NEUROD4: variants seen among roughly 807,000 people sequenced by gnomAD.
NEUROD4 encodes neuronal differentiation 4.
In NEUROD4, 16 loss-of-function variants were observed where a neutral mutation model predicts 19.8. The observed-to-expected ratio is 0.81, with a 90% CI of 0.55 to 1.23. The LOEUF (loss-of-function observed/expected upper bound fraction) is 1.23. Among genes scored for constraint, NEUROD4 ranks in the 50% most tolerant of loss-of-function variants. The pLI, the probability that NEUROD4 is intolerant of heterozygous loss-of-function variation, is 0.00. For synonymous variants in NEUROD4, 153 were observed against 147.9 expected, an observed-to-expected ratio of 1.03 and a Z score of -0.25; for missense variants, 439 against 398.6, an observed-to-expected ratio of 1.10 and a Z score of -0.86.
chr12:55,021,466 C>T (rs1437288880), intron 1 of NEUROD4, among the ~76,000 whole-genome samples: 1 of 152,176 alleles, frequency 6.6e-6, no homozygotes, highest in Non-Finnish European at 1.5e-5. Context: ...CACCATCTAA[C>T]TACCACAAAT....
At chr12:55,022,523 C>T (rs1423294196) in intron 1 of NEUROD4, among the ~76,000 whole-genome samples, 1 of 152,134 alleles carries the variant, frequency 6.6e-6, no homozygotes, top group Non-Finnish European at 1.5e-5. Flanking sequence ...TCACTTCTCT[C>T]TGATAGACAC....
chr12:55,026,866 C>G lies in NEUROD4; in HGVS notation c.427C>G (p.Leu143Val). ...RNYIWALSEV[L>V]ETGQTPEGKG... is the part of the protein sequence containing the mutation. Reference sequence around the variant, plus strand: ...CTATATTTGGGCTTTATCTGAAGTCCTGGAGACTGGCCAGACACCTGAAGG... The same window carrying G: ...CTATATTTGGGCTTTATCTGAAGTCGTGGAGACTGGCCAGACACCTGAAGG... Residue 143 changes from leucine to valine, a missense_variant, in exon 2 of 2, where the codon CTG becomes GTG. By Grantham distance (32) the Leu-to-Val change is conservative (BLOSUM62 1). Coordinates refer to ENST00000242994, the MANE Select transcript of NEUROD4 (RefSeq NM_021191.3). 1 of 1,614,106 alleles carries G rather than the reference C, an allele frequency of 6.2e-7. No individual in the cohort carries two copies. Among genetic ancestry groups the G allele is most frequent in the Non-Finnish European group, 8.5e-7 (1 of 1,179,984 alleles).
At chr12:55,023,273 A>C (rs567849580) in intron 1 of NEUROD4, among the ~76,000 whole-genome samples, 187 of 152,286 alleles carry the variant, frequency 1.2e-3, no homozygotes, top group African/African-American at 4.4e-3. Flanking sequence ...AATCAGAGGT[A>C]ATATCCAGAT....
intron 1 of NEUROD4, among the ~76,000 whole-genome samples, chr12:55,023,663 T>C (rs1435705975): frequency 6.6e-6 from 1 of 152,210 alleles, no homozygotes; most frequent in Non-Finnish European, 1.5e-5. Flanking sequence ...TGGAAGTTAA[T>C]GGACCGGCAC....
Position 55,026,850 on chromosome 12 carries a change from G to A in NEUROD4, c.411G>A (p.Trp137Ter), listed in dbSNP as rs1310464333. 2.5e-6 allele frequency: 4 copies of A among 1,613,908 alleles called. No homozygotes were observed. Among genetic ancestry groups the A allele is most frequent in the Non-Finnish European group, 3.4e-6 (4 of 1,179,990 alleles). Residue 137 changes from tryptophan to a stop codon, truncating the protein, a stop_gained, in exon 2 of 2, where the codon TGG (tryptophan) becomes TGA (stop). Coordinates refer to ENST00000242994, the MANE Select transcript of NEUROD4 (RefSeq NM_021191.3). LOFTEE classifies it high-confidence loss of function. The stretch of plus-strand genomic sequence containing the variant: ...TTAGACTGGCCAGGAACTATATTTG[G>A]GCTTTATCTGAAGTCCTGGAGACTG... Reference protein sequence around the residue: ...ETLRLARNYIWALSEVLETGQ... With the variant: ...ETLRLARNYI
At chr12:55,021,775 G>C (rs920138850) in intron 1 of NEUROD4, among the ~76,000 whole-genome samples, 3 of 152,086 alleles carry the variant, frequency 2.0e-5, no homozygotes, top group Non-Finnish European at 2.9e-5. Context: ...ATATTGTGTA[G>C]GTATAAAAGA....
chr12:55,026,632 G>A lies in NEUROD4; in HGVS notation c.193G>A (p.Glu65Lys), dbSNP rs371817262. ...AGAAGAAGAAGAGGAAGAAGATGGG[G>A]AGAAACCTAAGAGAAGGGGTCCCAA... ...EEEEEEEEDG[E>K]KPKRRGPKKK... Residue 65 changes from glutamate (E) to lysine (K), a missense_variant, in exon 2 of 2, where the codon GAG becomes AAG. By Grantham distance (56) the Glu-to-Lys change is moderately conservative. Coordinates refer to ENST00000242994, the MANE Select transcript of NEUROD4 (RefSeq NM_021191.3). 1.2e-6 allele frequency: 2 copies of A among 1,613,766 alleles called. No homozygotes were observed. Among genetic ancestry groups the A allele is most frequent in the African/African-American group, 1.3e-5 (1 of 74,902 alleles).
Position 55,029,720 on chromosome 12 carries a change from C to A in NEUROD4, c.*2285C>A, listed in dbSNP as rs868328441. ...CTATGCAAGTTAATGTTTTTAGAGT[C>A]TTTTCTTCAGTCTAAAATGAGCCAG... is the stretch of plus-strand genomic sequence containing the variant. On this transcript the variant is annotated 3_prime_UTR_variant, in exon 2 of 2. Coordinates refer to ENST00000242994, the MANE Select transcript of NEUROD4 (RefSeq NM_021191.3). The A allele has an allele frequency of 1.2e-5, 2 of 166,998 alleles. No individual in the cohort carries two copies. 10.3% of individuals were successfully genotyped at this position (166,998 alleles called of 1,614,324 possible). A position where few individuals can be genotyped will look rare whatever the true frequency, so the allele number is the denominator to read the frequency against.
At chr12:55,023,439 C>G (rs1331567284) in intron 1 of NEUROD4, among the ~76,000 whole-genome samples, 1 of 152,078 alleles carries the variant, frequency 6.6e-6, no homozygotes, top group East Asian at 1.9e-4. Context: ...GCATTTACAG[C>G]TATAAAATTT....
intron 1 of NEUROD4, among the ~76,000 whole-genome samples, chr12:55,024,052 T>C (rs1333605524): frequency 3.3e-5 from 5 of 152,172 alleles, no homozygotes; most frequent in Non-Finnish European, 5.9e-5. Context: ...TGCACCTTCC[T>C]TCTTTCCTTC....
Position 55,027,730 on chromosome 12 carries a change from T to C in NEUROD4, c.*295T>C. ...GGTGCCAAAAACTCATTGCATAATC[T>C]GTGCCAATTAATTTTCCATTTCTGG... On this transcript the variant is annotated 3_prime_UTR_variant, in exon 2 of 2. Transcript: ENST00000242994. 3.2e-6 allele frequency: 1 copy of C among 315,658 alleles called. No homozygotes were observed. Among genetic ancestry groups the C allele is most frequent in the Non-Finnish European group, 6.1e-6 (1 of 163,976 alleles). 19.6% of individuals were successfully genotyped at this position (315,658 alleles called of 1,614,324 possible).
chr12:55,020,816 C>T (rs1258682918), intron 1 of NEUROD4, among the ~76,000 whole-genome samples: 1 of 152,150 alleles, frequency 6.6e-6, no homozygotes, highest in Non-Finnish European at 1.5e-5. Context: ...GGTAGATTCT[C>T]ACCATTAACT....
chr12:55,026,982 C>A lies in NEUROD4; in HGVS notation c.543C>A (p.Val181=), dbSNP rs185954437. Residue 181 remains valine, a synonymous_variant, in exon 2 of 2, where the codon GTC becomes GTA. Coordinates refer to ENST00000242994, the MANE Select transcript of NEUROD4 (RefSeq NM_021191.3). ...GTCTCCAACTGGGCCCTCAGTCTGT[C>A]CTCCTGGAGAAGCACGAGGATAAAT... ...AGCLQLGPQS[V]LLEKHEDKSP... The A allele has an allele frequency of 5.0e-6, 8 of 1,614,176 alleles. No homozygotes were observed. In the Admixed American group the frequency reaches 1.3e-4, roughly 27 times the overall value.
chr12:55,023,380 A>G (rs1368480771), intron 1 of NEUROD4, among the ~76,000 whole-genome samples: 1 of 152,220 alleles, frequency 6.6e-6, no homozygotes, highest in African/African-American at 2.4e-5. Flanking sequence ...AATAGATTAG[A>G]TAAGAAAACC....
rs759547386 is a variant in NEUROD4, at chr12:55,026,604, G to GGAA, written c.177_179dup (p.Glu62dup). ...TAACTGAAGAGCATGACAGTATTGA[G>GGAA]GAAGAAGAAGAAGAGGAAGAAGATG... On this transcript the variant is annotated inframe_insertion, in exon 2 of 2. Transcript: ENST00000242994. The GGAA allele has an allele frequency of 6.2e-7, 1 of 1,613,780 alleles. No homozygotes were observed. Among genetic ancestry groups the GGAA allele is most frequent in the East Asian group, 2.2e-5 (1 of 44,862 alleles).
Position 55,027,501 on chromosome 12 carries a change from T to G in NEUROD4, c.*66T>G, listed in dbSNP as rs899033483. ...TTTTCCATAATTCAAGTGGTTGAGC[T>G]AAAGATTCAATGACCTTAAAGGATC... is the stretch of plus-strand genomic sequence containing the variant. On this transcript the variant is annotated 3_prime_UTR_variant, in exon 2 of 2. Transcript: ENST00000242994. The G allele has an allele frequency of 6.8e-7, 1 of 1,461,192 alleles. No homozygotes were observed. Among genetic ancestry groups the G allele is most frequent in the East Asian group, 2.3e-5 (1 of 43,940 alleles). 90.5% of individuals were successfully genotyped at this position (1,461,192 alleles called of 1,614,324 possible). A position where few individuals can be genotyped will look rare whatever the true frequency, so the allele number is the denominator to read the frequency against.
At chr12:55,024,902 A>G (rs926445167) in intron 1 of NEUROD4, among the ~76,000 whole-genome samples, 6 of 152,362 alleles carry the variant, frequency 3.9e-5, no homozygotes, top group African/African-American at 1.4e-4. Context: ...TACAAGGAAA[A>G]CAAGCTCCAA....
chr12:55,027,006 A>G lies in NEUROD4; in HGVS notation c.567A>G (p.Lys189=). 6.2e-7 allele frequency: 1 copy of G among 1,614,050 alleles called. No individual in the cohort carries two copies. The highest frequency in any genetic ancestry group is 8.5e-7 in the Non-Finnish European group (1 of 1,180,002). Residue 189 remains lysine (K), a synonymous_variant, in exon 2 of 2, where the codon AAA becomes AAG. Transcript: ENST00000242994. ...TCCTCCTGGAGAAGCACGAGGATAA[A>G]TCTCCTATTTGTGACTCTGCCATCT... ...QSVLLEKHED[K]SPICDSAISV...
intron 1 of NEUROD4, among the ~76,000 whole-genome samples, chr12:55,023,790 A>G (rs1952693181): frequency 6.6e-6 from 1 of 152,210 alleles, no homozygotes; most frequent in Non-Finnish European, 1.5e-5. Flanking sequence ...AAGCCAGTTG[A>G]TTCTTTTCCT....
Sources: gnomAD v4.1 joint callset for allele counts (sites outside exome capture counted in the v4.1 genomes callset) on GRCh38, gnomAD v4.1.1 for gene constraint, MANE v1.5 for transcripts, NCBI Gene and HGNC (gene_info 2026-07-23, HGNC 2026-07-21) for gene names.